Variants in PCDH9 observed in about 807,000 individuals in gnomAD.
The protein encoded by PCDH9 is protocadherin 9, also known as protocadherin-9.
In PCDH9, 24 loss-of-function variants were observed where a neutral mutation model predicts 70.6. That is an observed-to-expected ratio of 0.34 (90% CI 0.25 to 0.48). The LOEUF (loss-of-function observed/expected upper bound fraction) is 0.48, where lower values mean the gene tolerates loss of function less well. PCDH9 is among the 20% of genes least tolerant of loss of function. The pLI is 0.99. For synonymous variants in PCDH9, 562 were observed against 558.5 expected, an observed-to-expected ratio of 1.01 and a Z score of -0.09; for missense variants, 1,281 against 1,503.6, an observed-to-expected ratio of 0.85 and a Z score of 2.45.
chr13:66,862,608 T>C (rs764981807), intron 3 of PCDH9, among the ~76,000 whole-genome samples: 5 of 152,220 alleles, frequency 3.3e-5, no homozygotes, highest in African/African-American at 4.8e-5. Flanking sequence ...AGTTTTATAG[T>C]AGTGCAATGA....
At chr13:67,047,228 C>A (rs2085239972) in intron 2 of PCDH9, among the ~76,000 whole-genome samples, 1 of 152,156 alleles carries the variant, frequency 6.6e-6, no homozygotes, top group Non-Finnish European at 1.5e-5. Flanking sequence ...ACAAGCTCCA[C>A]TGTGATGAAA....
chr13:66,877,231 T>C (rs1219759833), intron 3 of PCDH9, among the ~76,000 whole-genome samples: 2 of 151,060 alleles, frequency 1.3e-5, no homozygotes, highest in Non-Finnish European at 2.9e-5. Context: ...GTCTGTAGCC[T>C]AATTCATAGT....
chr13:66,461,424 A>C (rs1294777064), intron 4 of PCDH9, among the ~76,000 whole-genome samples: 2 of 151,742 alleles, frequency 1.3e-5, no homozygotes, highest in Admixed American at 1.3e-4. Flanking sequence ...AGTGATTAGA[A>C]ATAATATTGA....
At chr13:66,507,362 C>T (rs1959237246) in intron 4 of PCDH9, among the ~76,000 whole-genome samples, 1 of 152,138 alleles carries the variant, frequency 6.6e-6, no homozygotes, top group African/African-American at 2.4e-5. Flanking sequence ...ATTGGTATCA[C>T]GGGTGGACAA....
At chr13:66,602,860 T>C in intron 4 of PCDH9, among the ~76,000 whole-genome samples, 1 of 145,656 alleles carries the variant, frequency 6.9e-6, no homozygotes, top group Non-Finnish European at 1.5e-5. Context: ...ATACTGTATG[T>C]TTACTGTACC....
chr13:67,214,024 C>T (rs1343993158), intron 2 of PCDH9: 2 of 152,124 alleles, frequency 1.3e-5, no homozygotes, highest in South Asian at 2.1e-4. Context: ...TTCAGCTGTT[C>T]CAACAAAAGG....
intron 4 of PCDH9, among the ~76,000 whole-genome samples, chr13:66,459,943 AG>A (rs1958392307): frequency 6.6e-6 from 1 of 151,896 alleles, no homozygotes; most frequent in African/African-American, 2.4e-5. Context: ...CCCCACCCCC[AG>A]TTTACAGCTC....
chr13:66,581,941 T>C (rs534868107), intron 4 of PCDH9, among the ~76,000 whole-genome samples: 8 of 152,140 alleles, frequency 5.3e-5, no homozygotes, highest in Non-Finnish European at 1.2e-4. Flanking sequence ...GAACACAGGA[T>C]CTGCTAATCT....
chr13:66,530,931 C>G (rs921331665), intron 4 of PCDH9, among the ~76,000 whole-genome samples: 1 of 151,920 alleles, frequency 6.6e-6, no homozygotes. Flanking sequence ...CTCCCATTTC[C>G]TCAGGCCAGG....
chr13:66,951,981 T>C (rs1268896406), intron 2 of PCDH9, among the ~76,000 whole-genome samples: 1 of 152,132 alleles, frequency 6.6e-6, no homozygotes, highest in Non-Finnish European at 1.5e-5. Context: ...TTACTAGAGA[T>C]GATTTTAACT....
intron 2 of PCDH9, among the ~76,000 whole-genome samples, chr13:67,031,664 A>T (rs2084909927): frequency 6.6e-6 from 1 of 152,252 alleles, no homozygotes; most frequent in Admixed American, 6.5e-5. Flanking sequence ...GGCCTGGGTG[A>T]CAGAGTGAGA....
chr13:66,426,143 G>A (rs1296904299), intron 4 of PCDH9, among the ~76,000 whole-genome samples: 1 of 151,156 alleles, frequency 6.6e-6, no homozygotes, highest in African/African-American at 2.4e-5. Flanking sequence ...TATCAAATAG[G>A]CCAAATGGAT....
Position 67,225,390 on chromosome 13 carries a change from A to T in PCDH9, c.3036+15T>A, listed in dbSNP as rs777036539. 3 of 1,612,116 alleles carry T rather than the reference A, an allele frequency of 1.9e-6. No homozygotes were observed. In the South Asian group the frequency reaches 3.3e-5, roughly 18 times the overall value. On this transcript the variant is annotated intron_variant, in intron 2 of 4. Transcript: ENST00000377865. ...TGTATGCAGTACTTATAGACCAGTA[A>T]AAGTGCTCGTTTACCTGTCTGGTGT...
At chr13:67,156,578 T>C (rs1207483398) in intron 2 of PCDH9, among the ~76,000 whole-genome samples, 1 of 152,142 alleles carries the variant, frequency 6.6e-6, no homozygotes, top group Non-Finnish European at 1.5e-5. Flanking sequence ...CTCCCCCATC[T>C]GCTGAGAGCT....
At chr13:66,450,502 A>G (rs1025876725) in intron 4 of PCDH9, among the ~76,000 whole-genome samples, 1 of 152,214 alleles carries the variant, frequency 6.6e-6, no homozygotes, top group Non-Finnish European at 1.5e-5. Context: ...TTAGAGTGAC[A>G]TAGAAGGATC....
chr13:66,819,230 C>T (rs2080665544), intron 3 of PCDH9, among the ~76,000 whole-genome samples: 1 of 151,856 alleles, frequency 6.6e-6, no homozygotes, highest in Non-Finnish European at 1.5e-5. Flanking sequence ...TAATCAGGTG[C>T]CCAAATCTTA....
chr13:66,987,408 G>A (rs1308431449), intron 2 of PCDH9, among the ~76,000 whole-genome samples: 1 of 152,032 alleles, frequency 6.6e-6, no homozygotes, highest in Admixed American at 6.6e-5. Flanking sequence ...AGCACATGCT[G>A]TTGATACATT....
At chr13:66,690,821 T>G (rs1404000378) in intron 3 of PCDH9, among the ~76,000 whole-genome samples, 1 of 152,168 alleles carries the variant, frequency 6.6e-6, no homozygotes, top group Non-Finnish European at 1.5e-5. Flanking sequence ...CTACTGAGAA[T>G]GGAATTAAAG....
intron 4 of PCDH9, among the ~76,000 whole-genome samples, chr13:66,628,020 T>C (rs995787491): frequency 4.6e-5 from 7 of 152,202 alleles, no homozygotes; most frequent in African/African-American, 7.2e-5. Context: ...TTTTTTCTTT[T>C]CCCTTTTCTA....
Sources: allele counts gnomAD v4.1 joint callset (sites outside exome capture counted in the v4.1 genomes callset), GRCh38; gene constraint gnomAD v4.1.1; transcripts MANE v1.5; gene names NCBI Gene and HGNC (gene_info 2026-07-23, HGNC 2026-07-21).